CNTNAP4: variants seen among roughly 807,000 people sequenced by gnomAD.
CNTNAP4 encodes the protein contactin associated protein family member 4, also known as contactin-associated protein-like 4.
Under a neutral mutation model 148.4 loss-of-function variants are expected in CNTNAP4, and 98 were observed. That is an observed-to-expected ratio of 0.66 (90% CI 0.56 to 0.78). CNTNAP4 has a LOEUF of 0.78. Among genes scored for constraint, CNTNAP4 ranks in the 30% least tolerant of loss-of-function variants. The pLI is 0.00. For missense variants in CNTNAP4, 1,935 were observed against 1,565.6 expected (o/e 1.24, Z -3.98); for synonymous variants, 730 against 565.1 (o/e 1.29, Z -4.14).
At position 76,293,449 on chromosome 16, in the gene CNTNAP4, T is replaced by C. The variant is rs1959172757; in HGVS notation, c.85+15702T>C. ...AATTTTAATGATATTTTCTTTGATA[T>C]AACAATATTTATGAGCTGTTTTCTA... On this transcript the variant is annotated intron_variant, in intron 1 of 23. Transcript: ENST00000611870. 2.0e-5 allele frequency among the ~76,000 whole-genome samples: 3 copies of C among 152,318 alleles called. No individual in the cohort carries two copies. In the South Asian group the frequency reaches 6.2e-4, roughly 32 times the overall value.
intron 8 of CNTNAP4, among the ~76,000 whole-genome samples, chr16:76,456,415 T>C (rs1025783956): frequency 1.1e-4 from 17 of 152,222 alleles, no homozygotes; most frequent in African/African-American, 3.9e-4. Context: ...AAAGTTGTAA[T>C]TGGTAAATAC....
At chr16:76,400,623 T>C (rs1387796758) in intron 3 of CNTNAP4, among the ~76,000 whole-genome samples, 1 of 152,216 alleles carries the variant, frequency 6.6e-6, no homozygotes, top group East Asian at 1.9e-4. Context: ...CCATTGTATG[T>C]CCAGGATGGT....
At chr16:76,329,189 T>G (rs921617104) in intron 2 of CNTNAP4, among the ~76,000 whole-genome samples, 1 of 152,174 alleles carries the variant, frequency 6.6e-6, no homozygotes, top group Non-Finnish European at 1.5e-5. Context: ...AAAAATGCAA[T>G]GCAAAAATTA....
At chr16:76,405,421 G>A (rs2078568865) in intron 3 of CNTNAP4, among the ~76,000 whole-genome samples, 1 of 152,130 alleles carries the variant, frequency 6.6e-6, no homozygotes, top group Non-Finnish European at 1.5e-5. Flanking sequence ...CCCATGCAAT[G>A]GAAAATTCAT....
intron 4 of CNTNAP4, among the ~76,000 whole-genome samples, chr16:76,442,346 GATA>G (rs2080076139): frequency 2.0e-5 from 3 of 152,144 alleles, no homozygotes; most frequent in Admixed American, 2.0e-4. Context: ...AGAATTGTAA[GATA>G]ATAAATTTGT....
rs745814018 is a variant in CNTNAP4 at position 76,448,960 on chromosome 16, G to C, written c.927+9G>C. 9 of 1,609,878 alleles carry C rather than the reference G, an allele frequency of 5.6e-6. No homozygotes were observed. The highest frequency in any genetic ancestry group is 7.6e-6 in the Non-Finnish European group (9 of 1,177,338). On this transcript the variant is annotated intron_variant, in intron 6 of 23. Coordinates refer to ENST00000611870, the MANE Select transcript of CNTNAP4 (RefSeq NM_033401.5). ...TGAATCTTGATTATGAGGTGTGATG[G>C]TTATGTTTCAATTAATGCTGATTTT...
intron 15 of CNTNAP4, among the ~76,000 whole-genome samples, chr16:76,513,539 T>A (rs2083113303): frequency 6.6e-6 from 1 of 152,214 alleles, no homozygotes; most frequent in Non-Finnish European, 1.5e-5. Context: ...ATATTATGAA[T>A]AATTTACTAG....
chr16:76,457,878 T>C (rs1161627285), intron 8 of CNTNAP4, among the ~76,000 whole-genome samples: 1 of 151,818 alleles, frequency 6.6e-6, no homozygotes, highest in Non-Finnish European at 1.5e-5. Flanking sequence ...GAGATTTGGG[T>C]TTCAATTGAA....
chr16:76,451,599 A>ATGTGTGTATGTGTGTG (rs2080474817), intron 7 of CNTNAP4, among the ~76,000 whole-genome samples: 1 of 141,258 alleles, frequency 7.1e-6, no homozygotes, highest in Non-Finnish European at 1.5e-5. Context: ...TTTTAGATAG[A>ATGTGTGTATGTGTGTG]TGTGTGTGTG....
At position 76,305,570 on chromosome 16, in the gene CNTNAP4, G is replaced by A. The variant is rs916090466; in HGVS notation, c.86-10843G>A. Among the ~76,000 whole-genome samples, 3 of 152,194 alleles carry A rather than the reference G, an allele frequency of 2.0e-5. No individual in the cohort carries two copies. In the East Asian group the frequency reaches 5.8e-4, roughly 29 times the overall value. On this transcript the variant is annotated intron_variant, in intron 1 of 23. Coordinates refer to ENST00000611870, the MANE Select transcript of CNTNAP4 (RefSeq NM_033401.5). ...CCCCATCCTTAATTTAGCTATTACTGAGAACTGGGGCCGACCTGACCATGG... is the reference window on the plus strand; with the variant it reads ...CCCCATCCTTAATTTAGCTATTACTAAGAACTGGGGCCGACCTGACCATGG...
chr16:76,406,753 T>C (rs138622162), intron 3 of CNTNAP4, among the ~76,000 whole-genome samples: 1 of 152,256 alleles, frequency 6.6e-6, no homozygotes, highest in Non-Finnish European at 1.5e-5. Flanking sequence ...TAAGTTCTTT[T>C]CAATTCTATG....
At chr16:76,459,304 C>T (rs966820935) in intron 8 of CNTNAP4, among the ~76,000 whole-genome samples, 1 of 152,198 alleles carries the variant, frequency 6.6e-6, no homozygotes, top group South Asian at 2.1e-4. Context: ...TCAAGGATTA[C>T]ATAACTCTAT....
chr16:76,545,052 C>T (rs760796309), intron 21 of CNTNAP4, among the ~76,000 whole-genome samples: 41 of 152,116 alleles, frequency 2.7e-4, no homozygotes, highest in Admixed American at 3.3e-4. Context: ...ATAAATATAT[C>T]ATGAAATAAT....
At chr16:76,321,659 G>T (rs1286164700) in intron 2 of CNTNAP4, among the ~76,000 whole-genome samples, 2 of 151,322 alleles carry the variant, frequency 1.3e-5, no homozygotes, top group African/African-American at 2.4e-5. Flanking sequence ...CGTGGTGGCG[G>T]GTCCCTGTAA....
chr16:76,320,214 G>A (rs1302983871), intron 2 of CNTNAP4, among the ~76,000 whole-genome samples: 3 of 152,168 alleles, frequency 2.0e-5, no homozygotes, highest in Admixed American at 1.3e-4. Context: ...TGGTCGAATT[G>A]TGTTCTAATG....
intron 3 of CNTNAP4, among the ~76,000 whole-genome samples, chr16:76,398,980 C>A (rs930766369): frequency 1.3e-5 from 2 of 151,992 alleles, no homozygotes; most frequent in Non-Finnish European, 2.9e-5. Context: ...GGCAGTTTTC[C>A]CCATACTGTT....
At chr16:76,434,682 T>G (rs777322249) in intron 4 of CNTNAP4, among the ~76,000 whole-genome samples, 3 of 152,288 alleles carry the variant, frequency 2.0e-5, no homozygotes, top group Middle Eastern at 3.4e-3. Context: ...TTACTATTTT[T>G]CTTGGTAGAG....
chr16:76,470,164 A>G (rs1487386372), intron 10 of CNTNAP4, among the ~76,000 whole-genome samples: 1 of 152,124 alleles, frequency 6.6e-6, no homozygotes, highest in Non-Finnish European at 1.5e-5. Context: ...TGACATGGCT[A>G]AGAAAAGGCA....
intron 9 of CNTNAP4, among the ~76,000 whole-genome samples, chr16:76,465,947 ATCAG>A (rs1210463492): frequency 6.6e-6 from 1 of 152,256 alleles, no homozygotes; most frequent in African/African-American, 2.4e-5. Flanking sequence ...GAAAAATATT[ATCAG>A]TCAAACAATT....
Sources: gnomAD v4.1 joint callset for allele counts (sites outside exome capture counted in the v4.1 genomes callset) on GRCh38, gnomAD v4.1.1 for gene constraint, MANE v1.5 for transcripts, NCBI Gene and HGNC (gene_info 2026-07-23, HGNC 2026-07-21) for gene names.